Variants in TFEC observed in about 807,000 individuals in gnomAD.
TFEC encodes transcription factor EC, also known as class E basic helix-loop-helix protein 34.
TFEC carries 31 observed loss-of-function variants against 41.6 expected under a neutral mutation model. That is an observed-to-expected ratio of 0.74 (90% confidence interval 0.56 to 1.01). The LOEUF (loss-of-function observed/expected upper bound fraction) is 1.01, where lower values mean the gene tolerates loss of function less well. Among genes scored for constraint, TFEC ranks in the 50% least tolerant of loss-of-function variants. The pLI, the probability that TFEC is intolerant of heterozygous loss-of-function variation, is 0.00. For synonymous variants in TFEC, 143 were observed against 140.6 expected, an observed-to-expected ratio of 1.02 and a Z score of -0.12; for missense variants, 402 against 404.1, an observed-to-expected ratio of 0.99 and a Z score of 0.04.
At position 116,106,372 on chromosome 7, in the gene TFEC, TTTTG is replaced by T. The variant is rs529198352; in HGVS notation, c.198+4332_198+4335del. Among the ~76,000 whole-genome samples the T allele has an allele frequency of 9.7e-4, 148 of 152,028 alleles. 1 individual carries two copies. The highest frequency in any genetic ancestry group is 3.4e-3 in the Middle Eastern group (1 of 292). ...TGACTGATGACTTCAGTTTTTTGTT[TTTTG>T]TTTGTTTGTTTGTTTGTTTGTTTTT... is the stretch of plus-strand genomic sequence containing the variant. On this transcript the variant is annotated intron_variant, in intron 3 of 8. Transcript: ENST00000484212.
At chr7:116,112,155 TG>T in intron 1 of TFEC, 3 of 374,276 alleles carry the variant, frequency 8.0e-6, no homozygotes, top group Non-Finnish European at 1.1e-5. Context: ...ATGTTCAATG[TG>T]ATAAGTTGCA....
chr7:116,090,928 G>T (rs2115821095), intron 3 of TFEC, among the ~76,000 whole-genome samples: 1 of 151,784 alleles, frequency 6.6e-6, no homozygotes, highest in African/African-American at 2.4e-5. Flanking sequence ...GAGAACATAG[G>T]GCACAGGGAG....
At chr7:116,059,116 C>G (rs917611183) in intron 3 of TFEC, among the ~76,000 whole-genome samples, 2 of 151,742 alleles carry the variant, frequency 1.3e-5, no homozygotes, top group African/African-American at 4.8e-5. Flanking sequence ...CATCGACACT[C>G]TTTTAGCAAG....
At chr7:115,967,404 G>C (rs1231426906) in intron 3 of TFEC, among the ~76,000 whole-genome samples, 1 of 151,698 alleles carries the variant, frequency 6.6e-6, no homozygotes, top group East Asian at 1.9e-4. Context: ...CATGTATAAA[G>C]AGGATCACTG....
intron 3 of TFEC, among the ~76,000 whole-genome samples, chr7:116,042,120 T>C (rs1262478538): frequency 7.2e-5 from 11 of 152,080 alleles, no homozygotes; most frequent in African/African-American, 2.7e-4. Context: ...ATCTATATAA[T>C]CAATTCACAG....
intron 3 of TFEC, among the ~76,000 whole-genome samples, chr7:116,054,438 A>C (rs1245102352): frequency 1.3e-5 from 2 of 152,188 alleles, no homozygotes; most frequent in African/African-American, 4.8e-5. Context: ...TCAAAGAAGA[A>C]GTGAGAGACC....
chr7:116,073,278 A>C (rs1464226994), intron 3 of TFEC, among the ~76,000 whole-genome samples: 2 of 151,794 alleles, frequency 1.3e-5, no homozygotes, highest in Non-Finnish European at 3.0e-5. Flanking sequence ...AATTTAGCAA[A>C]AGAAATGCAA....
chr7:116,108,735 C>T (rs536479836), intron 3 of TFEC, among the ~76,000 whole-genome samples: 6 of 152,230 alleles, frequency 3.9e-5, no homozygotes, highest in African/African-American at 1.2e-4. Flanking sequence ...TACCCCAGTA[C>T]AAAAATTCCA....
At chr7:116,112,631 T>C (rs1473671732) in intron 1 of TFEC, among the ~76,000 whole-genome samples, 1 of 152,002 alleles carries the variant, frequency 6.6e-6, no homozygotes, top group Non-Finnish European at 1.5e-5. Context: ...AGAAAGAGAC[T>C]AATGTTTTCT....
chr7:115,981,087 T>C (rs1003247556), intron 2 of TFEC, among the ~76,000 whole-genome samples: 1 of 152,126 alleles, frequency 6.6e-6, no homozygotes, highest in Admixed American at 6.5e-5. Flanking sequence ...CTTGGAATCA[T>C]GTTCTAAGTT....
chr7:116,006,033 C>G (rs553933705), intron 1 of TFEC, among the ~76,000 whole-genome samples: 1 of 152,214 alleles, frequency 6.6e-6, no homozygotes, highest in Non-Finnish European at 1.5e-5. Flanking sequence ...GGTTTGGGAA[C>G]CTCCACCTCA....
intron 3 of TFEC, among the ~76,000 whole-genome samples, chr7:116,084,107 C>T (rs547785103): frequency 7.9e-4 from 120 of 151,916 alleles, no homozygotes; most frequent in African/African-American, 2.7e-3. Context: ...TTGCACAAAC[C>T]GTCTTTCTTG....
chr7:115,998,130 A>G (rs1195503258), intron 1 of TFEC, among the ~76,000 whole-genome samples: 1 of 152,144 alleles, frequency 6.6e-6, no homozygotes, highest in Non-Finnish European at 1.5e-5. Context: ...AATAGATCTA[A>G]CTCAAAGAAG....
At chr7:116,154,766 T>G (rs1339334581) in intron 1 of TFEC, among the ~76,000 whole-genome samples, 1 of 152,220 alleles carries the variant, frequency 6.6e-6, no homozygotes, top group Non-Finnish European at 1.5e-5. Flanking sequence ...TTTTGCCAAT[T>G]GACTTCCAGT....
chr7:116,097,565 G>A (rs1019542541), intron 3 of TFEC, among the ~76,000 whole-genome samples: 1 of 152,148 alleles, frequency 6.6e-6, no homozygotes, highest in Non-Finnish European at 1.5e-5. Context: ...ACAGGAAGTA[G>A]CTTTTATAGT....
intron 1 of TFEC, among the ~76,000 whole-genome samples, chr7:116,007,396 T>C (rs889402784): frequency 6.6e-6 from 1 of 152,224 alleles, no homozygotes; most frequent in Non-Finnish European, 1.5e-5. Context: ...ATTAACTAAA[T>C]GTTATTAACT....
chr7:116,124,363 A>G (rs1798169713), intron 1 of TFEC, among the ~76,000 whole-genome samples: 1 of 152,192 alleles, frequency 6.6e-6, no homozygotes, highest in Admixed American at 6.5e-5. Flanking sequence ...CTTCTTGGGC[A>G]GCAGCATAAA....
intron 3 of TFEC, among the ~76,000 whole-genome samples, chr7:116,085,028 C>T (rs541046353): frequency 6.6e-6 from 1 of 151,840 alleles, no homozygotes; most frequent in Non-Finnish European, 1.5e-5. Flanking sequence ...CAGGAGATAG[C>T]TTGAAGAAAG....
At chr7:115,986,067 C>CAAAG (rs1233287133) in intron 1 of TFEC, among the ~76,000 whole-genome samples, 2 of 152,106 alleles carry the variant, frequency 1.3e-5, no homozygotes, top group Admixed American at 6.6e-5. Context: ...TTTTACTTTT[C>CAAAG]ATCCATTCAT....
Sources: allele counts gnomAD v4.1 joint callset (sites outside exome capture counted in the v4.1 genomes callset), GRCh38; gene constraint gnomAD v4.1.1; transcripts MANE v1.5; gene names NCBI Gene and HGNC (gene_info 2026-07-23, HGNC 2026-07-21).